HCN1: variants seen among roughly 807,000 people sequenced by gnomAD.
HCN1 encodes potassium/sodium hyperpolarization-activated cyclic nucleotide-gated channel 1.
In HCN1, 13 loss-of-function variants were observed where a neutral mutation model predicts 78.9. That is an observed-to-expected ratio of 0.16 (90% CI 0.11 to 0.26). The LOEUF (loss-of-function observed/expected upper bound fraction) is 0.26. HCN1 is among the 10% of genes least tolerant of loss of function. HCN1 has a pLI of 1.00. For synonymous variants in HCN1, 552 were observed against 455.5 expected (o/e 1.21, Z -2.70); for missense variants, 810 against 1,154.3 (o/e 0.70, Z 4.32).
At chr5:45,614,465 A>G (rs914493812) in intron 2 of HCN1, among the ~76,000 whole-genome samples, 1 of 152,146 alleles carries the variant, frequency 6.6e-6, no homozygotes, top group Non-Finnish European at 1.5e-5. Context: ...CATTCACAAA[A>G]GCTGCCAAAG....
intron 3 of HCN1, among the ~76,000 whole-genome samples, chr5:45,402,652 A>C (rs1329526696): frequency 6.6e-6 from 1 of 152,194 alleles, no homozygotes; most frequent in Non-Finnish European, 1.5e-5. Flanking sequence ...TAAAGCAACA[A>C]CAATAACAAT....
intron 2 of HCN1, among the ~76,000 whole-genome samples, chr5:45,489,675 G>A (rs182629736): frequency 2.3e-4 from 35 of 152,198 alleles, no homozygotes; most frequent in Non-Finnish European, 4.4e-4. Context: ...ATTTAGCATG[G>A]TCAGCTTATA....
At chr5:45,347,604 T>G (rs1420425714) in intron 5 of HCN1, among the ~76,000 whole-genome samples, 3 of 152,056 alleles carry the variant, frequency 2.0e-5, no homozygotes, top group African/African-American at 4.8e-5. Flanking sequence ...GGCAAAGAAG[T>G]TGAAAACTTT....
rs186809588 is a variant in HCN1 at position 45,273,718 on chromosome 5, A to C, written c.1619-6465T>G. 2.9e-3 allele frequency among the ~76,000 whole-genome samples: 447 copies of C among 152,280 alleles called. 2 individuals are homozygous for C. The highest frequency in any genetic ancestry group is 0.01 in the African/African-American group (425 of 41,574). ...TAAAAGTAATTCTCTGCTGTGCATC[A>C]AAATACTAATTTCCTATAAATTATT... is the stretch of plus-strand genomic sequence containing the variant. On this transcript the variant is annotated intron_variant, in intron 6 of 7. Transcript: ENST00000303230.
intron 3 of HCN1, among the ~76,000 whole-genome samples, chr5:45,422,418 G>T (rs961624731): frequency 1.3e-5 from 2 of 152,200 alleles, no homozygotes; most frequent in South Asian, 2.1e-4. Context: ...GTGAGGAAAA[G>T]ATACTACTTT....
chr5:45,577,338 T>A (rs1262856216), intron 2 of HCN1, among the ~76,000 whole-genome samples: 1 of 152,062 alleles, frequency 6.6e-6, no homozygotes, highest in African/African-American at 2.4e-5. Context: ...AGGGCTGACA[T>A]CAGTGCTGGG....
chr5:45,576,240 T>TA (rs1246494794), intron 2 of HCN1: 2 of 152,116 alleles, frequency 1.3e-5, no homozygotes, highest in African/African-American at 2.4e-5. Flanking sequence ...TGCTTATAGA[T>TA]AAGTGAAGTG....
intron 4 of HCN1, among the ~76,000 whole-genome samples, chr5:45,372,719 AT>A (rs1332619591): frequency 7.0e-6 from 1 of 143,420 alleles, no homozygotes; most frequent in Non-Finnish European, 1.5e-5. Context: ...ATATATAAAA[AT>A]ATATACGTAT....
chr5:45,507,852 A>T (rs1742339885), intron 2 of HCN1, among the ~76,000 whole-genome samples: 1 of 152,182 alleles, frequency 6.6e-6, no homozygotes. Flanking sequence ...GAATAAATAT[A>T]AAGGTAAGCA....
chr5:45,693,687 G>A lies in HCN1; in HGVS notation c.425+1982C>T, dbSNP rs182729167. Among the ~76,000 whole-genome samples the A allele has an allele frequency of 8.5e-4, 129 of 152,102 alleles. 2 individuals carry two copies. Among genetic ancestry groups the A allele is most frequent in the African/African-American group, 2.9e-3 (120 of 41,490 alleles). On this transcript the variant is annotated intron_variant, in intron 1 of 7. Coordinates refer to ENST00000303230, the MANE Select transcript of HCN1 (RefSeq NM_021072.4). Reference sequence around the variant, plus strand: ...AATTCCATTCATTCAAAAGACTTTCGCATGCTATTCTAATTCCTGAAAAGT... The same window carrying A: ...AATTCCATTCATTCAAAAGACTTTCACATGCTATTCTAATTCCTGAAAAGT...
intron 4 of HCN1, among the ~76,000 whole-genome samples, chr5:45,375,133 ATT>A (rs1747581821): frequency 8.2e-6 from 1 of 121,748 alleles, no homozygotes; most frequent in Non-Finnish European, 1.6e-5. Context: ...TATATAATAT[ATT>A]TTATAATATA....
intron 2 of HCN1, chr5:45,644,053 C>A (rs1397609019): frequency 6.6e-6 from 1 of 152,072 alleles, no homozygotes; most frequent in African/African-American, 2.4e-5. Flanking sequence ...TATTGCATGT[C>A]ATTTCCTGAA....
intron 5 of HCN1, among the ~76,000 whole-genome samples, chr5:45,319,909 C>T (rs1453221766): frequency 6.6e-6 from 1 of 151,816 alleles, no homozygotes; most frequent in Non-Finnish European, 1.5e-5. Flanking sequence ...ATATTGATAA[C>T]TTAAATATCA....
At chr5:45,593,317 CTCTCCCT>C (rs1744418212) in intron 2 of HCN1, among the ~76,000 whole-genome samples, 590 of 47,104 alleles carry the variant, frequency 0.013, 1 homozygote, top group Middle Eastern at 0.045. Flanking sequence ...CTCTCTCTCT[CTCTCCCT>C]CTCTCTCTCT....
At chr5:45,588,280 A>T (rs767478132) in intron 2 of HCN1, among the ~76,000 whole-genome samples, 68 of 152,224 alleles carry the variant, frequency 4.5e-4, no homozygotes, top group Non-Finnish European at 8.5e-4. Context: ...CAATGAATTA[A>T]TAAGTTTGTC....
intron 2 of HCN1, among the ~76,000 whole-genome samples, chr5:45,564,233 G>T (rs1354836854): frequency 6.6e-6 from 1 of 151,500 alleles, no homozygotes; most frequent in Non-Finnish European, 1.5e-5. Context: ...ATGTGAACAA[G>T]GAAATTAAAT....
chr5:45,257,652 G>C lies in HCN1; in HGVS notation c.*4269C>G, dbSNP rs970235445. Reference sequence around the variant, plus strand: ...GAGATGCAGGGTTGTGCAAGTGCAGGGTTGTTAAAAAGGAAAAAAATTGAA... The same window carrying C: ...GAGATGCAGGGTTGTGCAAGTGCAGCGTTGTTAAAAAGGAAAAAAATTGAA... On this transcript the variant is annotated 3_prime_UTR_variant, in exon 8 of 8. Coordinates refer to ENST00000303230, the MANE Select transcript of HCN1 (RefSeq NM_021072.4). 1 of 152,050 alleles carries C rather than the reference G, an allele frequency of 6.6e-6. No individual in the cohort carries two copies. Among genetic ancestry groups the C allele is most frequent in the African/African-American group, 2.4e-5 (1 of 41,370 alleles). 9.4% of individuals were successfully genotyped at this position (152,050 alleles called of 1,614,324 possible).
At chr5:45,468,552 T>C (rs1741327170) in intron 2 of HCN1, among the ~76,000 whole-genome samples, 1 of 152,088 alleles carries the variant, frequency 6.6e-6, no homozygotes, top group South Asian at 2.1e-4. Flanking sequence ...TTTTATTTGC[T>C]GCTATGTGAT....
chr5:45,413,761 T>C lies in HCN1; in HGVS notation c.1012-17051A>G, dbSNP rs62369060. Reference sequence around the variant, plus strand: ...TTAGCCATATAGGAAAATTTTTATTTTAGAATGCACTATGACATTTCCAAA... The same window carrying C: ...TTAGCCATATAGGAAAATTTTTATTCTAGAATGCACTATGACATTTCCAAA... On this transcript the variant is annotated intron_variant, in intron 3 of 7. Coordinates refer to ENST00000303230, the MANE Select transcript of HCN1 (RefSeq NM_021072.4). Among the ~76,000 whole-genome samples, 1,401 of 152,120 alleles carry C rather than the reference T, an allele frequency of 9.2e-3. 10 individuals carry two copies. Among genetic ancestry groups the C allele is most frequent in the Non-Finnish European group, 0.015 (1,014 of 67,960 alleles).
Sources: gnomAD v4.1 joint callset for allele counts (sites outside exome capture counted in the v4.1 genomes callset) on GRCh38, gnomAD v4.1.1 for gene constraint, MANE v1.5 for transcripts, NCBI Gene and HGNC (gene_info 2026-07-23, HGNC 2026-07-21) for gene names.